PFKFB3: variants seen among roughly 807,000 people sequenced by gnomAD.
The protein encoded by PFKFB3 is 6-phosphofructo-2-kinase/fructose-2,6-biphosphatase 3.
Under a neutral mutation model 68.0 loss-of-function variants are expected in PFKFB3, and 33 were observed. The ratio of observed to expected loss-of-function variants is 0.49; its 90% CI spans 0.37 to 0.65. The LOEUF (loss-of-function observed/expected upper bound fraction) is 0.65, where lower values mean the gene tolerates loss of function less well. PFKFB3 is among the 30% of genes least tolerant of loss of function. The probability of loss-of-function intolerance (pLI) is 0.00; values close to 1 mark genes in which losing one functional copy is unlikely to be tolerated. For missense variants in PFKFB3, 586 were observed against 712.2 expected (o/e 0.82, Z 2.02); for synonymous variants, 315 against 288.2 (o/e 1.09, Z -0.94).
At chr10:6,236,511 C>G (rs2132069306), downstream of PFKFB3, among the ~76,000 whole-genome samples, 1 of 152,336 alleles carries the variant, frequency 6.6e-6, no homozygotes, top group Admixed American at 6.5e-5. Context: ...CGCCTGCCGC[C>G]CACGCTGTGA....
the PFKFB3 span, among the ~76,000 whole-genome samples, chr10:6,280,969 C>T: frequency 6.6e-5 from 10 of 150,962 alleles, no homozygotes; most frequent in African/African-American, 1.2e-4. Flanking sequence ...ACCCTTTCCC[C>T]CTGAGTCCCC....
At chr10:6,231,564 A>G in intron 14 of PFKFB3, 1 of 985,394 alleles carries the variant, frequency 1.0e-6, no homozygotes, top group Non-Finnish European at 1.2e-6. Context: ...TTGCATCGCC[A>G]TCACCTGTGG....
In PFKFB3 at chr10:6,224,196, C is replaced by T; in HGVS notation, c.1324C>T (p.His442Tyr). 6.2e-7 allele frequency: 1 copy of T among 1,614,172 alleles called. No individual in the cohort carries two copies. The highest frequency in any genetic ancestry group is 8.5e-7 in the Non-Finnish European group (1 of 1,180,032). The change falls in exon 13 of 15, where the codon CAC becomes TAC. Residue 442 changes from histidine to tyrosine, a missense_variant. Transcript: ENST00000379775. ...CCTGAACGTGGAGTCCGTCTGCACA[C>T]ACCGGGAGAGGTCAGAGGTGAGTGG... Reference protein sequence around the residue: ...IYLNVESVCTHRERSEDAKKG... With the variant: ...IYLNVESVCTYRERSEDAKKG...
chr10:6,309,229 G>A, the PFKFB3 span, among the ~76,000 whole-genome samples: 2 of 152,172 alleles, frequency 1.3e-5, no homozygotes, highest in Admixed American at 6.5e-5. Context: ...TTTTGATGAC[G>A]GTAAGGCATT....
chr10:6,303,271 C>G, the PFKFB3 span, among the ~76,000 whole-genome samples: 2 of 151,680 alleles, frequency 1.3e-5, no homozygotes, highest in African/African-American at 4.8e-5. Flanking sequence ...CAAGAACAAA[C>G]AAGAAAAAGA....
intron 14 of PFKFB3, among the ~76,000 whole-genome samples, chr10:6,227,035 G>A (rs1221150812): frequency 7.2e-5 from 11 of 151,882 alleles, no homozygotes; most frequent in Non-Finnish European, 8.8e-5. Flanking sequence ...GCAGTGAGCC[G>A]AGATGGTGCC....
rs532435397 is a variant in PFKFB3 at position 6,195,401 on chromosome 10, T to C, written c.17-18222T>C. On this transcript the variant is annotated intron_variant, in intron 1 of 14. Transcript: ENST00000379789. ...GGGTCTGCACAATACTGAGGAATTGTCTGGCAAGAAACAAAGCTACTCATG... is the reference window on the plus strand; with the variant it reads ...GGGTCTGCACAATACTGAGGAATTGCCTGGCAAGAAACAAAGCTACTCATG... Among the ~76,000 whole-genome samples, 13 of 152,320 alleles carry C rather than the reference T, an allele frequency of 8.5e-5. No individual in the cohort carries two copies. The East Asian group carries it at 1.9e-3, about 23-fold the overall frequency.
intron 1 of PFKFB3, among the ~76,000 whole-genome samples, chr10:6,145,300 C>G (rs1372630325): frequency 3.3e-5 from 5 of 151,742 alleles, no homozygotes; most frequent in Non-Finnish European, 7.4e-5. Context: ...TTTCCGGCCT[C>G]GCGTCTCCTT....
intron 13 of PFKFB3, 35 bp from the exon 14 acceptor site, chr10:6,226,157 G>T: frequency 1.3e-6 from 2 of 1,519,592 alleles, no homozygotes; most frequent in Non-Finnish European, 1.8e-6. Context: ...CTTTGTAACT[G>T]TCGCCTTTCT....
At position 6,155,205 on chromosome 10, in the gene PFKFB3, C is replaced by T. The variant is rs77019351; in HGVS notation, c.16+10192C>T. On this transcript the variant is annotated intron_variant, in intron 1 of 14. Coordinates refer to the PFKFB3 transcript ENST00000379789. ...GAGAAAAGCACTTACGAGTTTTTTT[C>T]TTTTTTTTTTTTTTTGAGACGGAGT... Among the ~76,000 whole-genome samples, 89 of 132,356 alleles carry T rather than the reference C, an allele frequency of 6.7e-4. 1 individual carries two copies. Among genetic ancestry groups the T allele is most frequent in the Middle Eastern group, 4.3e-3 (1 of 232 alleles). The allele number at this position is 132,356 out of a possible 152,430, so 86.8% of individuals were successfully genotyped here.
intron 12 of PFKFB3, 37 bp downstream of exon 12, chr10:6,224,057 A>C: frequency 6.2e-7 from 1 of 1,612,994 alleles, no homozygotes; most frequent in South Asian, 1.1e-5. Context: ...GTCCCCCTGA[A>C]GGTGGCCACA....
chr10:6,187,611 A>G (rs631902), intron 1 of PFKFB3, among the ~76,000 whole-genome samples: 78,167 of 151,964 alleles, frequency 0.51, 21,095 homozygotes, highest in Non-Finnish European at 0.62. Flanking sequence ...TGTATTTGTC[A>G]TTATCTTTCA....
intron 1 of PFKFB3, among the ~76,000 whole-genome samples, chr10:6,145,658 G>A (rs12783932): frequency 2.0e-5 from 3 of 151,876 alleles, no homozygotes; most frequent in Non-Finnish European, 4.4e-5. Flanking sequence ...AGTCATTTCA[G>A]CCCCCAGCCC....
the PFKFB3 span, among the ~76,000 whole-genome samples, chr10:6,263,704 T>C: frequency 7.1e-6 from 1 of 141,436 alleles, no homozygotes; most frequent in Non-Finnish European, 1.6e-5. Flanking sequence ...CTTCTGTTTT[T>C]GAGACAGAGT....
At chr10:6,200,169 G>A (rs1425285211), upstream of PFKFB3, among the ~76,000 whole-genome samples, 1 of 152,246 alleles carries the variant, frequency 6.6e-6, no homozygotes, top group East Asian at 1.9e-4. Context: ...GGTTGACTAG[G>A]TAGTCTTGAA....
chr10:6,292,037 TC>T, the PFKFB3 span, among the ~76,000 whole-genome samples: 1 of 134,186 alleles, frequency 7.5e-6, no homozygotes, highest in African/African-American at 2.8e-5. Flanking sequence ...CACTGCAACC[TC>T]CACCTCCCGA....
At chr10:6,169,259 C>A (rs148655845) in intron 1 of PFKFB3, among the ~76,000 whole-genome samples, 2 of 152,310 alleles carry the variant, frequency 1.3e-5, no homozygotes, top group African/African-American at 4.8e-5. Flanking sequence ...ATTTTCTTGT[C>A]ACAGTGCATC....
intron 1 of PFKFB3, among the ~76,000 whole-genome samples, chr10:6,174,741 C>T (rs1842412350): frequency 1.3e-5 from 2 of 152,126 alleles, no homozygotes; most frequent in South Asian, 4.1e-4. Flanking sequence ...CACGGCTCTG[C>T]TGGGGGAAGC....
the PFKFB3 span, among the ~76,000 whole-genome samples, chr10:6,278,211 C>G: frequency 6.7e-6 from 1 of 148,920 alleles, no homozygotes; most frequent in Non-Finnish European, 1.5e-5. Flanking sequence ...CCGCAGTGCC[C>G]GGCTAGTTTG....
Sources: allele counts gnomAD v4.1 joint callset (sites outside exome capture counted in the v4.1 genomes callset), GRCh38; gene constraint gnomAD v4.1.1; transcripts MANE v1.5; gene names NCBI Gene and HGNC (gene_info 2026-07-23, HGNC 2026-07-21).